The following ARID1B variants were observed in gnomAD, a reference collection of about 807,000 sequenced individuals.
ARID1B encodes AT-rich interaction domain 1B, also known as AT-rich interactive domain-containing protein 1B.
Under a neutral mutation model 212.3 loss-of-function variants are expected in ARID1B, and 30 were observed. That is an observed-to-expected ratio of 0.14 (90% confidence interval 0.11 to 0.19). ARID1B has a LOEUF of 0.19. Among genes scored for constraint, ARID1B ranks in the 10% least tolerant of loss-of-function variants. ARID1B has a pLI of 1.00. For synonymous variants in ARID1B, 1,402 were observed against 1,301.7 expected (o/e 1.08, Z -1.66); for missense variants, 2,891 against 3,204.0 (o/e 0.90, Z 2.36).
At chr6:157,117,265 A>C (rs909647884) in intron 6 of ARID1B, among the ~76,000 whole-genome samples, 1 of 152,206 alleles carries the variant, frequency 6.6e-6, no homozygotes, top group Non-Finnish European at 1.5e-5. Flanking sequence ...GTTTAGACTG[A>C]ATAGTCTTCA....
intron 11 of ARID1B, among the ~76,000 whole-genome samples, chr6:157,177,580 A>G (rs923896598): frequency 9.2e-5 from 14 of 152,214 alleles, no homozygotes; most frequent in Non-Finnish European, 2.9e-5. Flanking sequence ...ACATTTGTCC[A>G]TACACATACA....
At chr6:157,204,576 A>G (rs1023931925) in intron 19 of ARID1B, 3 of 152,292 alleles carry the variant, frequency 2.0e-5, no homozygotes, top group Non-Finnish European at 2.9e-5. Context: ...TTCTTAGTCT[A>G]TGCTCTCTCA....
chr6:157,146,142 T>C (rs550485299), intron 7 of ARID1B, among the ~76,000 whole-genome samples: 2 of 152,130 alleles, frequency 1.3e-5, no homozygotes, highest in East Asian at 3.9e-4. Context: ...CCCTTGCCAT[T>C]AAGCCGGTGT....
At chr6:157,125,652 C>T (rs866639692) in intron 6 of ARID1B, among the ~76,000 whole-genome samples, 8 of 152,174 alleles carry the variant, frequency 5.3e-5, no homozygotes, top group Admixed American at 1.3e-4. Flanking sequence ...TGGGTCTTCC[C>T]CTGATACTCT....
At chr6:157,027,596 A>G (rs1780741211) in intron 4 of ARID1B, among the ~76,000 whole-genome samples, 1 of 152,254 alleles carries the variant, frequency 6.6e-6, no homozygotes, top group South Asian at 2.1e-4. Flanking sequence ...AGATGTATGA[A>G]CAGCCATTTG....
intron 6 of ARID1B, among the ~76,000 whole-genome samples, chr6:157,123,026 CA>C (rs1372633659): frequency 6.6e-6 from 1 of 152,112 alleles, no homozygotes; most frequent in Non-Finnish European, 1.5e-5. Context: ...TTAACCCCCA[CA>C]AAAAACCTAA....
At chr6:157,108,205 A>G (rs554262899) in intron 5 of ARID1B, among the ~76,000 whole-genome samples, 3 of 152,204 alleles carry the variant, frequency 2.0e-5, no homozygotes, top group Non-Finnish European at 4.4e-5. Flanking sequence ...GAATATTCTC[A>G]TTGCTTTAAA....
chr6:157,196,441 G>A lies in ARID1B; in HGVS notation c.4382+126G>A, dbSNP rs146573721. 48,195 of 1,256,996 alleles carry A rather than the reference G, an allele frequency of 0.038. 1,114 individuals are homozygous for A. The highest frequency in any genetic ancestry group is 0.045 in the Non-Finnish European group (41,438 of 922,954). The allele number at this position is 1,256,996 out of a possible 1,614,324, so 77.9% of individuals were successfully genotyped here. On this transcript the variant is annotated intron_variant, in intron 16 of 19. Transcript: ENST00000636930. ...ATACAGTGTCCCCTTTCCTGTGAAA[G>A]TAAAGAGGCAATGGCTGCTGGTCAC...
Position 156,778,950 on chromosome 6 carries a change from G to C in ARID1B, c.1270G>C (p.Ala424Pro). The C allele has an allele frequency of 7.8e-7, 1 of 1,288,140 alleles. No homozygotes were observed. The highest frequency in any genetic ancestry group is 9.7e-7 in the Non-Finnish European group (1 of 1,026,692). 79.8% of individuals were successfully genotyped at this position (1,288,140 alleles called of 1,614,324 possible). A position where few individuals can be genotyped will look rare whatever the true frequency, so the allele number is the denominator to read the frequency against. The change falls in exon 1 of 20, where the codon GCG (alanine) becomes CCG (proline). Residue 424 changes from alanine to proline, a missense_variant. Physicochemically the swap from Ala to Pro is conservative, Grantham distance 27. Around this residue, in one of 7 missense-constraint regions of ARID1B, gnomAD observed 1,643 missense variants for 1,544.0 expected, o/e 1.06. Transcript: ENST00000636930. ...AGGAGCAGGAGCGGGAGCTGTGGCG[G>C]CGGCGGCCGCGGCGGCGGCGGCAGC... ...AGGAGAGAVA[A>P]AAAAAAAAAG...
intron 4 of ARID1B, among the ~76,000 whole-genome samples, chr6:157,078,659 AG>A (rs1359370215): frequency 1.3e-5 from 2 of 152,238 alleles, no homozygotes; most frequent in Non-Finnish European, 2.9e-5. Context: ...GTTCCATATC[AG>A]GAGTTTTAAC....
At chr6:156,902,333 T>C (rs1363991529) in intron 3 of ARID1B, among the ~76,000 whole-genome samples, 1 of 152,148 alleles carries the variant, frequency 6.6e-6, no homozygotes, top group African/African-American at 2.4e-5. Flanking sequence ...ATTTTAATAC[T>C]TCCTTCCTTC....
chr6:156,931,690 C>T (rs943548185), intron 3 of ARID1B, among the ~76,000 whole-genome samples: 1 of 151,874 alleles, frequency 6.6e-6, no homozygotes, highest in Non-Finnish European at 1.5e-5. Context: ...AGGCCGGGCA[C>T]GGTGGCTCAC....
chr6:156,815,550 TA>T (rs1281875050), intron 1 of ARID1B, among the ~76,000 whole-genome samples: 1 of 152,176 alleles, frequency 6.6e-6, no homozygotes, highest in Admixed American at 6.5e-5. Flanking sequence ...ACTCAGAAGT[TA>T]TGACAGCAGG....
intron 4 of ARID1B, among the ~76,000 whole-genome samples, chr6:156,945,990 C>G (rs924989905): frequency 6.6e-6 from 1 of 152,074 alleles, no homozygotes; most frequent in African/African-American, 2.4e-5. Flanking sequence ...GCCTGGGCAA[C>G]AGAGCAAGAC....
At chr6:156,893,045 C>CTTTTCTTTTTTTT (rs1554263985) in intron 2 of ARID1B, among the ~76,000 whole-genome samples, 8 of 85,924 alleles carry the variant, frequency 9.3e-5, no homozygotes, top group African/African-American at 3.8e-4. Flanking sequence ...TTTTTTCTTC[C>CTTTTCTTTTTTTT]TTTTTTTTTT....
At chr6:156,873,807 G>C (rs1044780456) in intron 2 of ARID1B, among the ~76,000 whole-genome samples, 1 of 152,198 alleles carries the variant, frequency 6.6e-6, no homozygotes, top group Non-Finnish European at 1.5e-5. Context: ...CGTCTGATGA[G>C]TGGCGTCCTT....
At chr6:156,808,133 G>A (rs895987581) in intron 1 of ARID1B, among the ~76,000 whole-genome samples, 4 of 152,178 alleles carry the variant, frequency 2.6e-5, no homozygotes, top group African/African-American at 9.7e-5. Flanking sequence ...CAAAGTAATT[G>A]GATTTAGTAA....
chr6:156,904,986 T>C (rs1789243693), intron 3 of ARID1B, among the ~76,000 whole-genome samples: 1 of 152,246 alleles, frequency 6.6e-6, no homozygotes, highest in Non-Finnish European at 1.5e-5. Context: ...CATATAGTTT[T>C]AGTTTACATT....
intron 4 of ARID1B, chr6:156,939,378 G>A (rs1382018048): frequency 6.6e-6 from 1 of 151,900 alleles, no homozygotes; most frequent in Non-Finnish European, 1.5e-5. Flanking sequence ...ACTTTTTGTT[G>A]AGTGTTCTGT....
Sources: gnomAD v4.1 joint callset for allele counts (sites outside exome capture counted in the v4.1 genomes callset) on GRCh38, gnomAD v4.1.1 for gene constraint, gnomAD v4.1.1 regional missense constraint, MANE v1.5 for transcripts, NCBI Gene and HGNC (gene_info 2026-07-23, HGNC 2026-07-21) for gene names.